The following CPEB3 variants were observed in gnomAD, a reference collection of about 807,000 sequenced individuals.
The protein encoded by CPEB3 is cytoplasmic polyadenylation element binding protein 3, also known as cytoplasmic polyadenylation element-binding protein 3.
In CPEB3, 20 loss-of-function variants were observed where a neutral mutation model predicts 67.2. The observed-to-expected ratio is 0.30, with a 90% CI of 0.21 to 0.43. The LOEUF is 0.43. CPEB3 is among the 20% of genes least tolerant of loss of function. The pLI is 1.00. For missense variants in CPEB3, 746 were observed against 968.6 expected (o/e 0.77, Z 3.05); for synonymous variants, 376 against 393.1 (o/e 0.96, Z 0.51).
chr10:92,154,844 T>C (rs189203621), intron 4 of CPEB3, among the ~76,000 whole-genome samples: 5 of 152,322 alleles, frequency 3.3e-5, no homozygotes, highest in African/African-American at 4.8e-5. Flanking sequence ...GGTGTAAAAG[T>C]CCACTGGCCA....
At position 92,116,179 on chromosome 10, in the gene CPEB3, T is replaced by G. The variant is rs370750103; in HGVS notation, c.1454-4985A>C. ...TCACAGTGTGTACTTATGTTAATAT[T>G]CAATAAGGAAAATGCCACAGGAAGT... On this transcript the variant is annotated intron_variant, in intron 6 of 9. Transcript: ENST00000265997. Among the ~76,000 whole-genome samples, 3 of 151,112 alleles carry G rather than the reference T, an allele frequency of 2.0e-5. No individual in the cohort carries two copies. In the East Asian group the frequency reaches 5.8e-4, roughly 29 times the overall value.
At chr10:92,099,137 T>C (rs1017385257) in intron 7 of CPEB3, among the ~76,000 whole-genome samples, 2 of 151,796 alleles carry the variant, frequency 1.3e-5, no homozygotes, top group African/African-American at 2.4e-5. Context: ...TAAAGTTTCA[T>C]CCTACTTAAA....
intron 1 of CPEB3, among the ~76,000 whole-genome samples, chr10:92,262,239 T>C (rs571564649): frequency 6.6e-6 from 1 of 152,274 alleles, no homozygotes; most frequent in East Asian, 1.9e-4. Context: ...GTATCAACAT[T>C]ATATTATGGA....
chr10:92,059,325 C>CAAAAAAAAAAAAAAAAAAAAAAAAAGAA (rs61034093), intron 9 of CPEB3, among the ~76,000 whole-genome samples: 1 of 101,234 alleles, frequency 9.9e-6, no homozygotes, highest in South Asian at 3.6e-4. Flanking sequence ...GAAACTCTGT[C>CAAAAAAAAAAAAAAAAAAAAAAAAAGAA]AAAAAAAAAA....
intron 6 of CPEB3, among the ~76,000 whole-genome samples, chr10:92,114,417 G>A (rs568569298): frequency 1.2e-4 from 19 of 152,306 alleles, no homozygotes; most frequent in Admixed American, 2.6e-4. Flanking sequence ...GTCAATGTGA[G>A]GCGGAAATCC....
chr10:92,142,919 T>C (rs982830241), intron 6 of CPEB3, 110 bp downstream of exon 6: 1 of 675,844 alleles, frequency 1.5e-6, no homozygotes, highest in African/African-American at 1.8e-5. Flanking sequence ...GTTTTCCTAA[T>C]TGGGGGAAAA....
At chr10:92,107,341 A>G (rs967799683) in intron 7 of CPEB3, among the ~76,000 whole-genome samples, 6 of 152,228 alleles carry the variant, frequency 3.9e-5, no homozygotes, top group Non-Finnish European at 8.8e-5. Context: ...GAGAAATTGT[A>G]GTCGTGCTAT....
At chr10:92,213,095 C>T (rs1207349276) in intron 2 of CPEB3, among the ~76,000 whole-genome samples, 1 of 152,086 alleles carries the variant, frequency 6.6e-6, no homozygotes, top group Non-Finnish European at 1.5e-5. Context: ...CCAGTTTATA[C>T]ATTTTACCAA....
intron 3 of CPEB3, among the ~76,000 whole-genome samples, chr10:92,182,734 G>A (rs1012324749): frequency 2.6e-5 from 4 of 151,066 alleles, no homozygotes; most frequent in Non-Finnish European, 2.9e-5. Context: ...GCTGAGGCAG[G>A]AGAATCACTT....
intron 3 of CPEB3, among the ~76,000 whole-genome samples, chr10:92,187,878 A>G (rs1848766465): frequency 6.6e-6 from 1 of 152,132 alleles, no homozygotes; most frequent in African/African-American, 2.4e-5. Context: ...TGCCAACCCA[A>G]GGATTTCTGT....
intron 6 of CPEB3, among the ~76,000 whole-genome samples, chr10:92,112,904 A>C (rs1319863493): frequency 6.6e-6 from 1 of 152,240 alleles, no homozygotes; most frequent in Non-Finnish European, 1.5e-5. Flanking sequence ...AGAGGTGTTT[A>C]ATTCATAATC....
At position 92,049,828 on chromosome 10, in the gene CPEB3, G is replaced by A. The variant is rs1053751786; in HGVS notation, c.*2384C>T. ...CACATAATTAGGTAGATTTCTGTAG[G>A]TTAGATATGATCTTTAATATTATAG... On this transcript the variant is annotated 3_prime_UTR_variant, in exon 10 of 10. Coordinates refer to ENST00000265997, the MANE Select transcript of CPEB3 (RefSeq NM_014912.5). 1 of 152,328 alleles carries A rather than the reference G, an allele frequency of 6.6e-6. No individual in the cohort carries two copies. 9.4% of individuals were successfully genotyped at this position (152,328 alleles called of 1,614,324 possible).
intron 2 of CPEB3, among the ~76,000 whole-genome samples, chr10:92,204,836 C>CTTTTT (rs750482213): frequency 1.6e-5 from 2 of 125,058 alleles, no homozygotes; most frequent in Admixed American, 8.3e-5. Context: ...ATCTTAACCA[C>CTTTTT]TTTTTTTTTT....
intron 9 of CPEB3, among the ~76,000 whole-genome samples, chr10:92,060,467 C>T (rs1842299167): frequency 6.6e-6 from 1 of 152,090 alleles, no homozygotes; most frequent in Admixed American, 6.6e-5. Flanking sequence ...GCAAAAATTT[C>T]TTGAGCAAAA....
At chr10:92,125,349 G>A (rs1845562822) in intron 6 of CPEB3, among the ~76,000 whole-genome samples, 1 of 152,200 alleles carries the variant, frequency 6.6e-6, no homozygotes, top group Non-Finnish European at 1.5e-5. Context: ...CAGTTTCAGA[G>A]CCAGATGGCC....
intron 1 of CPEB3, among the ~76,000 whole-genome samples, chr10:92,286,625 A>G (rs1475332555): frequency 6.7e-6 from 1 of 150,128 alleles, no homozygotes; most frequent in African/African-American, 2.5e-5. Flanking sequence ...ATAATTTGCT[A>G]CTAGCATACC....
At position 92,050,701 on chromosome 10, in the gene CPEB3, AG is replaced by A. The variant is rs1304445521; in HGVS notation, c.*1510del. The A allele has an allele frequency of 7.9e-5, 12 of 152,584 alleles. No individual in the cohort carries two copies. The highest frequency in any genetic ancestry group is 1.6e-4 in the Non-Finnish European group (11 of 68,040). The allele number at this position is 152,584 out of a possible 1,614,324, so 9.5% of individuals were successfully genotyped here. A position where few individuals can be genotyped will look rare whatever the true frequency, so the allele number is the denominator to read the frequency against. ...CTCACTCAGACAACCAACTCTGCCC[AG>A]GCCATCTTATTTTGTACAGACATTT... is the stretch of plus-strand genomic sequence containing the variant. On this transcript the variant is annotated 3_prime_UTR_variant, in exon 10 of 10. Transcript: ENST00000265997.
At chr10:92,078,748 C>A (rs551364598) in intron 9 of CPEB3, among the ~76,000 whole-genome samples, 67 of 152,242 alleles carry the variant, frequency 4.4e-4, no homozygotes, top group South Asian at 3.1e-3. Context: ...AAAGCAAAGC[C>A]ATTTCTCTCC....
intron 6 of CPEB3, chr10:92,118,734 CTG>C: frequency 1.3e-6 from 1 of 745,454 alleles, no homozygotes; most frequent in South Asian, 1.4e-5. Flanking sequence ...ATCAGAAATG[CTG>C]TTCCTTTGGG....
Sources: allele counts gnomAD v4.1 joint callset (sites outside exome capture counted in the v4.1 genomes callset), GRCh38; gene constraint gnomAD v4.1.1; transcripts MANE v1.5; gene names NCBI Gene and HGNC (gene_info 2026-07-23, HGNC 2026-07-21).